Variants in PASK observed in about 807,000 individuals in gnomAD.
PASK encodes PAS domain-containing serine/threonine-protein kinase.
A neutral mutation model predicts 121.0 loss-of-function variants in PASK; 110 were observed. The ratio of observed to expected loss-of-function variants is 0.91; its 90% CI spans 0.78 to 1.06. The LOEUF is 1.06. Among genes scored for constraint, PASK ranks in the 50% least tolerant of loss-of-function variants. PASK has a pLI of 0.00. For missense variants in PASK, 1,643 were observed against 1,702.3 expected (o/e 0.97, Z 0.61); for synonymous variants, 686 against 717.8 (o/e 0.96, Z 0.71).
Position 241,137,065 on chromosome 2 carries a change from C to A in PASK, c.1076G>T (p.Gly359Val). ...TGTCAGCGCGAAGCTGTGGTTGATG[C>A]CGTGGATGGTCCCATCCGGCAGGAG... ...ITLLPDGTIH[G>V]INHSFALTLF... is the part of the protein sequence containing the mutation. The change falls in exon 7 of 18, where the codon GGC becomes GTC. Residue 359 changes from glycine (G) to valine (V), a missense_variant. Gly to Val is a moderately radical substitution (Grantham distance 109). This residue lies in a region of PASK where 1,176 missense variants were observed against 1,162.2 expected (regional missense o/e 1.01). Transcript: ENST00000234040. The A allele has an allele frequency of 6.2e-7, 1 of 1,613,488 alleles. No individual in the cohort carries two copies.
At chr2:241,143,276 C>T (rs185911639) in intron 1 of PASK, among the ~76,000 whole-genome samples, 1 of 152,304 alleles carries the variant, frequency 6.6e-6, no homozygotes, top group African/African-American at 2.4e-5. Flanking sequence ...GGCACGGTGG[C>T]GCACGCCTGT....
In PASK at chr2:241,136,412, G is replaced by C. The variant is rs952058401; in HGVS notation, c.1138-373C>G. On this transcript the variant is annotated intron_variant, in intron 7 of 17. Coordinates refer to ENST00000234040, the MANE Select transcript of PASK (RefSeq NM_015148.4). Reference sequence around the variant, plus strand: ...GGAACAGTGACATGCACCCAGGACAGAAGGACTGTGGGGCCTTCCTCCCAG... The same window carrying C: ...GGAACAGTGACATGCACCCAGGACACAAGGACTGTGGGGCCTTCCTCCCAG... Among the ~76,000 whole-genome samples the C allele has an allele frequency of 5.9e-5, 9 of 152,204 alleles. No homozygotes were observed. The East Asian group carries it at 1.5e-3, about 26-fold the overall frequency.
chr2:241,132,571 T>C (rs2066214150), intron 9 of PASK, among the ~76,000 whole-genome samples: 2 of 144,498 alleles, frequency 1.4e-5, no homozygotes, highest in Admixed American at 1.4e-4. Flanking sequence ...GATAAAATTA[T>C]GATTCCATCA....
In PASK at chr2:241,143,034, G is replaced by C. The variant is rs779557979; in HGVS notation, c.-2C>G. 5 of 1,612,566 alleles carry C rather than the reference G, an allele frequency of 3.1e-6. No homozygotes were observed. The highest frequency in any genetic ancestry group is 4.2e-6 in the Non-Finnish European group (5 of 1,178,808). ...GGCTGTTAAGCCCCCGTCCTCCATG[G>C]GAAGAAGGGAGGCCAACTGCCAAGC... On this transcript the variant is annotated 5_prime_UTR_variant, in exon 2 of 18. Transcript: ENST00000234040.
intron 15 of PASK, among the ~76,000 whole-genome samples, chr2:241,110,775 T>C (rs1391212109): frequency 6.6e-6 from 1 of 152,038 alleles, no homozygotes; most frequent in Non-Finnish European, 1.5e-5. Flanking sequence ...CGACAACCAC[T>C]GCAGGGCAGG....
At chr2:241,150,276 G>A, upstream of PASK, 3 of 1,319,706 alleles carry the variant, frequency 2.3e-6, no homozygotes, top group South Asian at 4.6e-5. Flanking sequence ...CCTCCAGACT[G>A]TTCCGGCTCC....
intron 15 of PASK, chr2:241,109,026 CGT>C: frequency 6.8e-6 from 1 of 147,866 alleles, no homozygotes. Context: ...TTCCTGTCAC[CGT>C]AAACATCCTC....
intron 9 of PASK, 120 bp downstream of exon 9, chr2:241,132,754 T>G: frequency 1.2e-6 from 1 of 853,850 alleles, no homozygotes; most frequent in Non-Finnish European, 2.0e-6. Context: ...GCTCAACACA[T>G]GTGAGTTTTC....
chr2:241,132,341 G>C (rs770415728), intron 9 of PASK, among the ~76,000 whole-genome samples: 18 of 151,246 alleles, frequency 1.2e-4, no homozygotes, highest in Non-Finnish European at 2.2e-4. Flanking sequence ...TGGCCAACAT[G>C]GTGAAACTAA....
intron 14 of PASK, chr2:241,113,637 G>T: frequency 1.3e-6 from 1 of 797,236 alleles, no homozygotes; most frequent in East Asian, 1.3e-4. Flanking sequence ...ACATGAACTT[G>T]AACATGGAAA....
chr2:241,122,633 A>G lies in PASK; in HGVS notation c.3072+99T>C, dbSNP rs1425791604. Reference sequence around the variant, plus strand: ...GTTGTGTGCTTGGTGCCATACCTAGAGGACTCCTCCAAAAACCCCAGGTTT... The same window carrying G: ...GTTGTGTGCTTGGTGCCATACCTAGGGGACTCCTCCAAAAACCCCAGGTTT... On this transcript the variant is annotated intron_variant, in intron 12 of 17. Coordinates refer to ENST00000234040, the MANE Select transcript of PASK (RefSeq NM_015148.4). The G allele has an allele frequency of 3.6e-6, 4 of 1,110,906 alleles. No homozygotes were observed. The African/African-American group carries it at 4.6e-5, about 13-fold the overall frequency. 68.8% of individuals were successfully genotyped at this position (1,110,906 alleles called of 1,614,324 possible). A position where few individuals can be genotyped will look rare whatever the true frequency, so the allele number is the denominator to read the frequency against.
upstream of PASK, chr2:241,150,265 G>C: frequency 1.5e-6 from 2 of 1,291,688 alleles, no homozygotes; most frequent in Non-Finnish European, 2.0e-6. Context: ...CCAGCTTCTC[G>C]CCTCCAGACT....
chr2:241,135,608 G>A (rs1346406709), intron 8 of PASK, among the ~76,000 whole-genome samples: 3 of 151,970 alleles, frequency 2.0e-5, no homozygotes, highest in Admixed American at 6.6e-5. Context: ...GCTGTGTCTC[G>A]GATATCATGG....
Position 241,143,015 on chromosome 2 carries a change from T to G in PASK, c.18A>C (p.Leu6Phe). 1 of 1,613,872 alleles carries G rather than the reference T, an allele frequency of 6.2e-7. No homozygotes were observed. The highest frequency in any genetic ancestry group is 8.5e-7 in the Non-Finnish European group (1 of 1,179,906). Residue 6 changes from leucine to phenylalanine, a missense_variant, in exon 2 of 18, where the codon TTA (leucine) becomes TTC (phenylalanine). Physicochemically the swap from Leu to Phe is conservative, Grantham distance 22. This residue lies in a region of PASK where 1,176 missense variants were observed against 1,162.2 expected (regional missense o/e 1.01). Coordinates refer to ENST00000234040, the MANE Select transcript of PASK (RefSeq NM_015148.4). ...ATCTCTGGTCCTCTTCAAAGGCTGT[T>G]AAGCCCCCGTCCTCCATGGGAAGAA... MEDGG[L>F]TAFEEDQRCL... is the part of the protein sequence containing the mutation.
At chr2:241,144,799 T>C (rs78181240) in intron 1 of PASK, among the ~76,000 whole-genome samples, 2,103 of 152,346 alleles carry the variant, frequency 0.014, 80 homozygotes, top group East Asian at 0.11. Flanking sequence ...TCCCCCCTCC[T>C]TGCCTTATCC....
Position 241,126,426 on chromosome 2 carries a change from A to C in PASK, c.2489T>G (p.Leu830Trp), listed in dbSNP as rs770488647. Reference protein sequence around the residue: ...HDPTEPLEVCLVSSEHYAASD... With the variant: ...HDPTEPLEVCWVSSEHYAASD... ...TGCTGCATAATGCTCAGAGGACACC[A>C]AACAAACCTCAAGCGGTTCTGTTGG... The change falls in exon 10 of 18, where the codon TTG becomes TGG. Residue 830 changes from leucine to tryptophan, a missense_variant. Around this residue, in one of 3 missense-constraint regions of PASK, gnomAD observed 1,176 missense variants for 1,162.2 expected, o/e 1.01. Transcript: ENST00000234040. 6.2e-7 allele frequency: 1 copy of C among 1,614,240 alleles called. No homozygotes were observed. Among genetic ancestry groups the C allele is most frequent in the Admixed American group, 1.7e-5 (1 of 60,028 alleles).
rs747453049 is a variant in PASK, at chr2:241,143,051, C to A, written c.-19G>T. 6.3e-7 allele frequency: 1 copy of A among 1,594,006 alleles called. No homozygotes were observed. The highest frequency in any genetic ancestry group is 2.2e-5 in the East Asian group (1 of 44,764). On this transcript the variant is annotated 5_prime_UTR_variant, in exon 2 of 18. Transcript: ENST00000234040. Reference sequence around the variant, plus strand: ...CCTCCATGGGAAGAAGGGAGGCCAACTGCCAAGCTTCCAACTCTAACAACT... The same window carrying A: ...CCTCCATGGGAAGAAGGGAGGCCAAATGCCAAGCTTCCAACTCTAACAACT...
chr2:241,133,081 A>G, intron 8 of PASK, 51 bp from the exon 9 acceptor site: 1 of 1,570,360 alleles, frequency 6.4e-7, no homozygotes, highest in Non-Finnish European at 8.8e-7. Flanking sequence ...CACTCCCTAA[A>G]ACGAATCTGC....
intron 9 of PASK, 69 bp from the exon 10 acceptor site, chr2:241,127,520 T>C: frequency 8.0e-7 from 1 of 1,242,602 alleles, no homozygotes; most frequent in Non-Finnish European, 1.2e-6. Flanking sequence ...ATTGCACCGA[T>C]TCTCCATTAG....
Sources: gnomAD v4.1 joint callset for allele counts (sites outside exome capture counted in the v4.1 genomes callset) on GRCh38, gnomAD v4.1.1 for gene constraint, gnomAD v4.1.1 regional missense constraint, MANE v1.5 for transcripts, NCBI Gene and HGNC (gene_info 2026-07-23, HGNC 2026-07-21) for gene names.